PRELID2: variants seen among roughly 807,000 people sequenced by gnomAD.
The protein encoded by PRELID2 is PRELI domain containing 2, also known as PRELI domain-containing protein 2.
In PRELID2, 25 loss-of-function variants were observed where a neutral mutation model predicts 28.4. That is an observed-to-expected ratio of 0.88 (90% confidence interval 0.64 to 1.23). The LOEUF (loss-of-function observed/expected upper bound fraction) is 1.23, where lower values mean the gene tolerates loss of function less well. Ranked by LOEUF, PRELID2 falls within the 50% of genes most tolerant of loss-of-function variation. The probability of loss-of-function intolerance (pLI) is 0.00; values close to 1 mark genes in which losing one functional copy is unlikely to be tolerated. For missense variants in PRELID2, 201 were observed against 214.4 expected (o/e 0.94, Z 0.39); for synonymous variants, 76 against 71.6 (o/e 1.06, Z -0.31).
intron 1 of PRELID2, among the ~76,000 whole-genome samples, chr5:145,717,970 T>A (rs1755887500): frequency 1.3e-5 from 2 of 151,918 alleles, no homozygotes; most frequent in African/African-American, 4.8e-5. Flanking sequence ...ACATTAAAAA[T>A]ATATATAGCT....
chr5:145,264,879 C>T, the PRELID2 span, among the ~76,000 whole-genome samples: 29 of 145,524 alleles, frequency 2.0e-4, no homozygotes, highest in African/African-American at 6.9e-4. Context: ...GAGACTGAGG[C>T]AGGAGAATTG....
chr5:145,527,160 G>A (rs1752615959), intron 1 of PRELID2, among the ~76,000 whole-genome samples: 1 of 152,160 alleles, frequency 6.6e-6, no homozygotes, highest in African/African-American at 2.4e-5. Flanking sequence ...GGTGGCACCA[G>A]CAATCCTTCT....
At chr5:145,389,841 T>G in the PRELID2 span, among the ~76,000 whole-genome samples, 1 of 152,176 alleles carries the variant, frequency 6.6e-6, no homozygotes, top group Non-Finnish European at 1.5e-5. Flanking sequence ...GGTTCACACT[T>G]ACTCTACTGA....
At chr5:145,601,453 GA>G (rs373103449) in intron 1 of PRELID2, among the ~76,000 whole-genome samples, 52 of 151,562 alleles carry the variant, frequency 3.4e-4, no homozygotes, top group African/African-American at 1.3e-3. Context: ...AGAACGAACA[GA>G]AAAAAATATT....
intron 1 of PRELID2, among the ~76,000 whole-genome samples, chr5:145,541,649 T>A (rs1752746459): frequency 1.3e-5 from 2 of 152,044 alleles, no homozygotes; most frequent in African/African-American, 4.8e-5. Context: ...TTTCTGTAAA[T>A]ATGCACAAGA....
chr5:145,402,902 T>C, the PRELID2 span, among the ~76,000 whole-genome samples: 1 of 152,160 alleles, frequency 6.6e-6, no homozygotes, highest in African/African-American at 2.4e-5. Flanking sequence ...CAAAATGACC[T>C]TGCTGAGCCA....
intron 1 of PRELID2, among the ~76,000 whole-genome samples, chr5:145,711,241 G>A (rs1215486595): frequency 2.0e-5 from 3 of 152,142 alleles, no homozygotes; most frequent in Non-Finnish European, 4.4e-5. Flanking sequence ...GAAGAGTGTT[G>A]TTGCCATTCT....
intron 5 of PRELID2, among the ~76,000 whole-genome samples, chr5:145,794,256 T>A (rs1198904251): frequency 6.6e-6 from 1 of 152,082 alleles, no homozygotes. Flanking sequence ...CAGTGTTCAG[T>A]TCCCAGTGAA....
chr5:145,497,764 G>A (rs1752321491), intron 1 of PRELID2, among the ~76,000 whole-genome samples: 1 of 152,226 alleles, frequency 6.6e-6, no homozygotes, highest in African/African-American at 2.4e-5. Flanking sequence ...TACCTGCAGA[G>A]ACTGTGCAGT....
At chr5:145,664,991 C>G (rs919058498) in intron 1 of PRELID2, among the ~76,000 whole-genome samples, 1 of 152,044 alleles carries the variant, frequency 6.6e-6, no homozygotes, top group Non-Finnish European at 1.5e-5. Context: ...TAGACACTGG[C>G]CCCCATGGAG....
At chr5:145,337,686 AATATATATAT>A in the PRELID2 span, among the ~76,000 whole-genome samples, 4,377 of 79,756 alleles carry the variant, frequency 0.055, 129 homozygotes, top group Middle Eastern at 0.079. Flanking sequence ...GCATAGGGCA[AATATATATAT>A]ATATATATAT....
intron 1 of PRELID2, among the ~76,000 whole-genome samples, chr5:145,563,578 G>A (rs1752941491): frequency 6.6e-6 from 1 of 152,200 alleles, no homozygotes; most frequent in Non-Finnish European, 1.5e-5. Flanking sequence ...ACCAACAGCA[G>A]AACCTAGGCA....
intron 1 of PRELID2, among the ~76,000 whole-genome samples, chr5:145,551,635 T>A (rs1259237223): frequency 6.6e-6 from 1 of 152,142 alleles, no homozygotes; most frequent in African/African-American, 2.4e-5. Flanking sequence ...CTGCAGTGAT[T>A]GAAAACATGT....
the PRELID2 span, among the ~76,000 whole-genome samples, chr5:145,447,699 C>T: frequency 1.2e-3 from 148 of 119,722 alleles, no homozygotes; most frequent in African/African-American, 4.7e-3. Context: ...TCAATTCCCA[C>T]CTATGAGTGA....
the PRELID2 span, among the ~76,000 whole-genome samples, chr5:145,333,061 G>A: frequency 3.3e-5 from 5 of 152,082 alleles, no homozygotes; most frequent in Admixed American, 1.3e-4. Flanking sequence ...GCTGGATGTC[G>A]ACTCCAGACA....
chr5:145,635,106 T>C (rs1345109108), intron 1 of PRELID2, among the ~76,000 whole-genome samples: 1 of 152,214 alleles, frequency 6.6e-6, no homozygotes, highest in Non-Finnish European at 1.5e-5. Context: ...GTTTCCCTGA[T>C]GCAGATTTGA....
chr5:145,489,552 C>G (rs903847620), intron 1 of PRELID2, among the ~76,000 whole-genome samples: 16 of 152,144 alleles, frequency 1.1e-4, no homozygotes, highest in Non-Finnish European at 4.4e-5. Flanking sequence ...CTGGTAGAAA[C>G]GAAATTGTCA....
At chr5:145,396,800 C>G in the PRELID2 span, among the ~76,000 whole-genome samples, 2 of 150,090 alleles carry the variant, frequency 1.3e-5, no homozygotes, top group East Asian at 4.1e-4. Context: ...ATTGGAGACT[C>G]AATAACACGG....
At chr5:145,304,910 T>A in the PRELID2 span, among the ~76,000 whole-genome samples, 1 of 152,266 alleles carries the variant, frequency 6.6e-6, no homozygotes, top group South Asian at 2.1e-4. Flanking sequence ...CCTGATAGAA[T>A]AGGAACATAG....
Sources: gnomAD v4.1 joint callset for allele counts (sites outside exome capture counted in the v4.1 genomes callset) on GRCh38, gnomAD v4.1.1 for gene constraint, MANE v1.5 for transcripts, NCBI Gene and HGNC (gene_info 2026-07-23, HGNC 2026-07-21) for gene names.